ADAMTSL1: variants seen among roughly 807,000 people sequenced by gnomAD.
ADAMTSL1 encodes ADAMTS like 1.
Under a neutral mutation model 201.8 loss-of-function variants are expected in ADAMTSL1, and 126 were observed. That is an observed-to-expected ratio of 0.62 (90% CI 0.54 to 0.72). ADAMTSL1 has a LOEUF of 0.72. Ranked by LOEUF, ADAMTSL1 falls within the 30% of genes least tolerant of loss-of-function variation. The probability of loss-of-function intolerance (pLI) is 0.00; values close to 1 mark genes in which losing one functional copy is unlikely to be tolerated. For synonymous variants in ADAMTSL1, 1,121 were observed against 903.4 expected (o/e 1.24, Z -4.32); for missense variants, 2,679 against 2,277.8 (o/e 1.18, Z -3.59).
At chr9:18,897,141 G>C (rs551005631) in intron 26 of ADAMTSL1, among the ~76,000 whole-genome samples, 116 of 152,298 alleles carry the variant, frequency 7.6e-4, no homozygotes, top group African/African-American at 2.5e-3. Context: ...GATTGTTTAA[G>C]TGGGACCCTG....
intron 22 of ADAMTSL1, 81 bp downstream of exon 22, chr9:18,826,544 C>T: frequency 6.7e-7 from 1 of 1,484,186 alleles, no homozygotes; most frequent in South Asian, 1.2e-5. Context: ...CCTTTGTGCC[C>T]TAATCCAATT....
chr9:18,137,353 C>T (rs1412890396), intron 1 of ADAMTSL1, among the ~76,000 whole-genome samples: 1 of 152,086 alleles, frequency 6.6e-6, no homozygotes, highest in Non-Finnish European at 1.5e-5. Context: ...GTTTCTTTAT[C>T]GTTGTATTCA....
At chr9:18,281,340 G>C (rs1376167718) in intron 2 of ADAMTSL1, among the ~76,000 whole-genome samples, 1 of 152,082 alleles carries the variant, frequency 6.6e-6, no homozygotes, top group Non-Finnish European at 1.5e-5. Flanking sequence ...GGAAGCAAGA[G>C]CCTGGGCTCC....
chr9:18,856,395 T>C (rs1179262420), intron 23 of ADAMTSL1, among the ~76,000 whole-genome samples: 1 of 152,118 alleles, frequency 6.6e-6, no homozygotes, highest in African/African-American at 2.4e-5. Flanking sequence ...TAAAGAACTT[T>C]TAGTTTTTTA....
intron 4 of ADAMTSL1, among the ~76,000 whole-genome samples, chr9:18,575,066 C>T (rs749294411): frequency 6.6e-6 from 1 of 152,106 alleles, no homozygotes; most frequent in East Asian, 1.9e-4. Flanking sequence ...AGAGTATTTG[C>T]CTTTTCCAAC....
At chr9:18,609,918 A>T (rs953162557) in intron 4 of ADAMTSL1, among the ~76,000 whole-genome samples, 2 of 152,214 alleles carry the variant, frequency 1.3e-5, no homozygotes, top group Non-Finnish European at 2.9e-5. Flanking sequence ...TATAACTCAC[A>T]AGAGAACTGA....
chr9:18,802,147 A>G (rs1199344512), intron 20 of ADAMTSL1, among the ~76,000 whole-genome samples: 1 of 152,074 alleles, frequency 6.6e-6, no homozygotes, highest in Admixed American at 6.6e-5. Context: ...GTGGTGGCAC[A>G]TACCTGTGGT....
intron 2 of ADAMTSL1, among the ~76,000 whole-genome samples, chr9:18,217,560 A>G (rs1338334493): frequency 6.6e-6 from 1 of 152,000 alleles, no homozygotes; most frequent in East Asian, 1.9e-4. Context: ...CCATCTCCCT[A>G]CTTCCTACCA....
intron 7 of ADAMTSL1, among the ~76,000 whole-genome samples, chr9:18,648,832 AT>A (rs1780703102): frequency 6.8e-6 from 1 of 146,010 alleles, no homozygotes; most frequent in Non-Finnish European, 1.5e-5. Context: ...TTTTTCCTTC[AT>A]TTCAACTTTG....
chr9:18,309,314 A>G (rs1834027878), intron 2 of ADAMTSL1, among the ~76,000 whole-genome samples: 3 of 152,274 alleles, frequency 2.0e-5, no homozygotes, highest in African/African-American at 7.2e-5. Context: ...CCTATTCAAC[A>G]TAGTATTGGA....
chr9:18,170,208 A>G (rs1827827989), intron 2 of ADAMTSL1, among the ~76,000 whole-genome samples: 3 of 152,066 alleles, frequency 2.0e-5, no homozygotes, highest in Non-Finnish European at 1.5e-5. Context: ...TAAATATTTC[A>G]TATAACTTCA....
At chr9:18,677,326 G>A (rs1830185844) in intron 10 of ADAMTSL1, among the ~76,000 whole-genome samples, 1 of 151,742 alleles carries the variant, frequency 6.6e-6, no homozygotes, top group South Asian at 2.1e-4. Flanking sequence ...CATTTTTCTG[G>A]TTTTATCCAG....
At chr9:18,124,087 T>TTTG (rs1242390396) in intron 1 of ADAMTSL1, among the ~76,000 whole-genome samples, 2 of 144,272 alleles carry the variant, frequency 1.4e-5, no homozygotes, top group South Asian at 2.3e-4. Flanking sequence ...GTTTTTTTTT[T>TTTG]TTTTTTTTTT....
chr9:18,000,963 A>G (rs1462735632), intron 1 of ADAMTSL1, among the ~76,000 whole-genome samples: 4 of 152,028 alleles, frequency 2.6e-5, no homozygotes, highest in African/African-American at 7.2e-5. Flanking sequence ...CCATCCCTAG[A>G]GATGAGAAGT....
intron 2 of ADAMTSL1, among the ~76,000 whole-genome samples, chr9:18,518,258 ACGT>A (rs1453844709): frequency 2.0e-5 from 3 of 152,156 alleles, no homozygotes; most frequent in Non-Finnish European, 4.4e-5. Context: ...CAAATATTGA[ACGT>A]CGTACTCAAT....
intron 2 of ADAMTSL1, among the ~76,000 whole-genome samples, chr9:18,271,578 T>A (rs1019365963): frequency 1.3e-5 from 2 of 152,184 alleles, no homozygotes; most frequent in Admixed American, 6.5e-5. Context: ...TCTAACATTG[T>A]TGGACATTTG....
intron 1 of ADAMTSL1, among the ~76,000 whole-genome samples, chr9:18,082,234 A>G (rs1032877521): frequency 1.3e-5 from 2 of 152,218 alleles, no homozygotes; most frequent in East Asian, 3.8e-4. Flanking sequence ...ACGAAACTAA[A>G]TATGTGCCCA....
intron 15 of ADAMTSL1, among the ~76,000 whole-genome samples, chr9:18,726,018 G>A (rs1817865513): frequency 6.6e-6 from 1 of 152,086 alleles, no homozygotes; most frequent in Non-Finnish European, 1.5e-5. Flanking sequence ...ACCTTCAAGA[G>A]GCCATACACC....
chr9:18,014,349 A>G (rs1820169621), intron 1 of ADAMTSL1, among the ~76,000 whole-genome samples: 2 of 152,078 alleles, frequency 1.3e-5, no homozygotes, highest in African/African-American at 4.8e-5. Context: ...ACATCGAAGC[A>G]TAACTTGGGA....
Sources: allele counts gnomAD v4.1 joint callset (sites outside exome capture counted in the v4.1 genomes callset), GRCh38; gene constraint gnomAD v4.1.1; transcripts MANE v1.5; gene names NCBI Gene and HGNC (gene_info 2026-07-23, HGNC 2026-07-21).